Variants in FANCA observed in about 807,000 individuals in gnomAD.
The protein encoded by FANCA is Fanconi anemia group A protein.
A neutral mutation model predicts 194.3 loss-of-function variants in FANCA; 236 were observed. The observed-to-expected ratio is 1.21, with a 90% CI of 1.09 to 1.35. The LOEUF (loss-of-function observed/expected upper bound fraction) is 1.35. FANCA is among the 40% of genes most tolerant of loss of function. FANCA has a pLI of 0.00. For synonymous variants in FANCA, 1,014 were observed against 715.8 expected (o/e 1.42, Z -6.65); for missense variants, 2,628 against 1,813.9 (o/e 1.45, Z -8.15).
chr16:89,779,387 C>G (rs749993840), intron 18 of FANCA, among the ~76,000 whole-genome samples: 11 of 152,118 alleles, frequency 7.2e-5, no homozygotes, highest in Non-Finnish European at 1.0e-4. Context: ...TGAGATCATA[C>G]CAAATTCAAT....
At chr16:89,768,951 T>C (rs1288739394) in intron 26 of FANCA, among the ~76,000 whole-genome samples, 1 of 152,080 alleles carries the variant, frequency 6.6e-6, no homozygotes, top group Non-Finnish European at 1.5e-5. Flanking sequence ...GAGTGGGGAC[T>C]GTCTGGTGTG....
chr16:89,774,532 C>T (rs1201400083), intron 21 of FANCA, among the ~76,000 whole-genome samples: 2 of 151,006 alleles, frequency 1.3e-5, no homozygotes, highest in African/African-American at 2.4e-5. Context: ...AGATTGAGAC[C>T]ATTCTGGCTA....
intron 29 of FANCA, among the ~76,000 whole-genome samples, chr16:89,759,312 T>C (rs1598092582): frequency 2.3e-5 from 1 of 42,958 alleles, no homozygotes; most frequent in Non-Finnish European, 4.6e-5. Context: ...AGAGCGAGAC[T>C]CCGTCTAAAA....
At position 89,742,930 on chromosome 16, in the gene FANCA, G is replaced by A. The variant is rs1203053045; in HGVS notation, c.3635C>T (p.Ser1212Phe). Residue 1212 changes from serine (S) to phenylalanine (F), a missense_variant, in exon 37 of 43, where the codon TCC becomes TTC. Coordinates refer to ENST00000389301, the MANE Select transcript of FANCA (RefSeq NM_000135.4). ...GGGTGCTGGGGAGGCAGCCTCAGGG[G>A]AGAGGAAACTGGGACAGAGAGAACG... ...EGRQFASDFL[S>F]PEAASPAPNP... 3 of 1,614,044 alleles carry A rather than the reference G, an allele frequency of 1.9e-6. No homozygotes were observed. The highest frequency in any genetic ancestry group is 1.7e-6 in the Non-Finnish European group (2 of 1,179,926).
rs1218646740 is a variant in FANCA at position 89,799,153 on chromosome 16, C to T, written c.893+13G>A. ...CTGCTGCACACTCAGGCAGGCCACC[C>T]TCAGGAACATACCAGCACCTCACGA... On this transcript the variant is annotated intron_variant, in intron 10 of 42. Coordinates refer to ENST00000389301, the MANE Select transcript of FANCA (RefSeq NM_000135.4). 6.2e-7 allele frequency: 1 copy of T among 1,614,200 alleles called. No homozygotes were observed. Among genetic ancestry groups the T allele is most frequent in the Middle Eastern group, 1.6e-4 (1 of 6,062 alleles).
chr16:89,781,407 C>T (rs1335896023), intron 17 of FANCA, among the ~76,000 whole-genome samples: 2 of 145,578 alleles, frequency 1.4e-5, no homozygotes, highest in South Asian at 2.2e-4. Flanking sequence ...GGCACAGTGG[C>T]TCATGCCTGT....
In FANCA at chr16:89,738,557, A is replaced by G. The variant is rs1325302475; in HGVS notation, c.*44T>C. On this transcript the variant is annotated 3_prime_UTR_variant, in exon 43 of 43. Transcript: ENST00000389301. ...GAGCTCCATGTTATGCTTGTAATAA[A>G]TTATTTACACGGGAGCTGGGCTGGT... 1.2e-6 allele frequency: 2 copies of G among 1,612,284 alleles called. No individual in the cohort carries two copies. The highest frequency in any genetic ancestry group is 8.5e-7 in the Non-Finnish European group (1 of 1,179,854).
At position 89,790,825 on chromosome 16, in the gene FANCA, C is replaced by T. The variant is rs2040045501; in HGVS notation, c.1359+578G>A. On this transcript the variant is annotated intron_variant, in intron 14 of 42. Transcript: ENST00000389301. Reference sequence around the variant, plus strand: ...CTGTGTCCCCTCTTTCCTGATTTCACTCATTTTCTTTTTTTTCTTTTTGGG... The same window carrying T: ...CTGTGTCCCCTCTTTCCTGATTTCATTCATTTTCTTTTTTTTCTTTTTGGG... 2.0e-5 allele frequency among the ~76,000 whole-genome samples: 3 copies of T among 151,798 alleles called. No homozygotes were observed. In the South Asian group the frequency reaches 6.2e-4, roughly 32 times the overall value.
chr16:89,784,867 G>T lies in FANCA; in HGVS notation c.1457C>A (p.Pro486His). The part of the protein sequence containing the change: ...FLSELVPFES[P>H]RYLQVHILHP... ...CCAGCTTCTCACCTGCAGGTACCGG[G>T]GAGACTCAAAAGGCACGAGTTCTGA... The change falls in exon 15 of 43, where the codon CCC (proline) becomes CAC (histidine). Residue 486 changes from proline to histidine, a missense_variant. Transcript: ENST00000389301. 1 of 1,612,824 alleles carries T rather than the reference G, an allele frequency of 6.2e-7. No homozygotes were observed. Among genetic ancestry groups the T allele is most frequent in the Non-Finnish European group, 8.5e-7 (1 of 1,178,792 alleles).
chr16:89,799,319 G>C, intron 9 of FANCA, 87 bp from the exon 10 acceptor site: 1 of 1,496,302 alleles, frequency 6.7e-7, no homozygotes, highest in Non-Finnish European at 9.2e-7. Context: ...TCAGACAACA[G>C]ATCCACTTCA....
At chr16:89,801,503 A>C (rs1054119579) in intron 8 of FANCA, among the ~76,000 whole-genome samples, 5 of 152,236 alleles carry the variant, frequency 3.3e-5, no homozygotes, top group Admixed American at 2.6e-4. Flanking sequence ...ATATGCTATC[A>C]GTGAGAATGT....
chr16:89,783,575 AAC>A (rs1357046601), intron 15 of FANCA, among the ~76,000 whole-genome samples: 3 of 151,820 alleles, frequency 2.0e-5, no homozygotes, highest in African/African-American at 7.3e-5. Flanking sequence ...ACAAAAAAAA[AAC>A]ACAATAGAAG....
intron 30 of FANCA, among the ~76,000 whole-genome samples, chr16:89,757,589 T>G (rs879486635): frequency 1.3e-4 from 20 of 152,006 alleles, no homozygotes; most frequent in Non-Finnish European, 2.6e-4. Context: ...GCAGGAGACA[T>G]GGGGGGAAGC....
chr16:89,768,036 G>A (rs779251574), intron 26 of FANCA, among the ~76,000 whole-genome samples: 13 of 152,290 alleles, frequency 8.5e-5, no homozygotes, highest in African/African-American at 1.2e-4. Flanking sequence ...TGATGCCCAG[G>A]CTGGAGTGCA....
rs2038730687 is a variant in FANCA at position 89,755,280 on chromosome 16, G to C, written c.2982-3058C>G. ...GGCTGGAGTGCAGTGGCACAATCTGGGCTCATTGCAACCTCCGCCTCCCAG... is the reference window on the plus strand; with the variant it reads ...GGCTGGAGTGCAGTGGCACAATCTGCGCTCATTGCAACCTCCGCCTCCCAG... On this transcript the variant is annotated intron_variant, in intron 30 of 42. Transcript: ENST00000389301. 2.0e-5 allele frequency among the ~76,000 whole-genome samples: 3 copies of C among 152,082 alleles called. No individual in the cohort carries two copies. The South Asian group carries it at 6.2e-4, about 32-fold the overall frequency.
chr16:89,779,071 C>G (rs2143425436), intron 18 of FANCA, 68 bp from the exon 19 acceptor site: 3 of 1,499,344 alleles, frequency 2.0e-6, no homozygotes, highest in Non-Finnish European at 2.8e-6. Context: ...CAGACGGTGA[C>G]CGGTGTTTCA....
intron 14 of FANCA, among the ~76,000 whole-genome samples, chr16:89,788,678 T>C (rs971081276): frequency 5.3e-5 from 8 of 151,978 alleles, no homozygotes; most frequent in African/African-American, 1.7e-4. Flanking sequence ...CACACACCTA[T>C]AGTCCCAGTT....
At position 89,758,668 on chromosome 16, in the gene FANCA, G is replaced by C. The variant is rs1436499205; in HGVS notation, c.2890C>G (p.Leu964Val). The C allele has an allele frequency of 1.2e-6, 2 of 1,614,082 alleles. No individual in the cohort carries two copies. The highest frequency in any genetic ancestry group is 1.1e-5 in the South Asian group (1 of 91,088). ...CCCCCTGAAGCCGAGGACTCAGGGA[G>C]AAAGTGCTCATGGATCGCCCACTGG... ...FHQWAIHEHF[L>V]PESSASGGCD... The change falls in exon 30 of 43, where the codon CTC becomes GTC. Residue 964 changes from leucine to valine, a missense_variant. Coordinates refer to ENST00000389301, the MANE Select transcript of FANCA (RefSeq NM_000135.4).
At chr16:89,774,677 C>G (rs899679555) in intron 21 of FANCA, among the ~76,000 whole-genome samples, 1 of 135,276 alleles carries the variant, frequency 7.4e-6, no homozygotes, top group Non-Finnish European at 1.5e-5. Flanking sequence ...TTACAGCGAG[C>G]TGAGATTGCG....
Sources: allele counts gnomAD v4.1 joint callset (sites outside exome capture counted in the v4.1 genomes callset), GRCh38; gene constraint gnomAD v4.1.1; transcripts MANE v1.5; gene names NCBI Gene and HGNC (gene_info 2026-07-23, HGNC 2026-07-21).